NEB: variants seen among roughly 807,000 people sequenced by gnomAD.
The protein encoded by NEB is nemaline myopathy type 2.
A neutral mutation model predicts 952.2 loss-of-function variants in NEB; 512 were observed. That is an observed-to-expected ratio of 0.54 (90% CI 0.50 to 0.58). The LOEUF is 0.58. Among genes scored for constraint, NEB ranks in the 20% least tolerant of loss-of-function variants. NEB has a pLI of 0.00. For missense variants in NEB, 8,428 were observed against 9,231.1 expected (o/e 0.91, Z 3.56); for synonymous variants, 2,900 against 3,149.8 (o/e 0.92, Z 2.66).
intron 180 of NEB, 26 bp from the exon 181 acceptor site, chr2:151,490,103 A>C: frequency 6.5e-7 from 1 of 1,544,176 alleles, no homozygotes; most frequent in South Asian, 1.2e-5. Flanking sequence ...CAAATTCTTT[A>C]TAAGAAGAAA....
At chr2:151,665,219 C>T (rs1181038033) in intron 42 of NEB, 114 bp downstream of exon 42, 41 of 978,602 alleles carry the variant, frequency 4.2e-5, no homozygotes, top group Non-Finnish European at 5.4e-5. Context: ...CTCCCACCAC[C>T]GGCACGAAGA....
rs2065930418 is a variant in NEB, at chr2:151,503,046, A to C, written c.23836-161T>G. ...ACTTTTTTCACAGTTTTAATGATGA[A>C]CTCTACAATGCTAATTCTGGAAATG... On this transcript the variant is annotated intron_variant, in intron 166 of 181. Transcript: ENST00000397345. The C allele has an allele frequency of 2.4e-5, 14 of 595,144 alleles. No individual in the cohort carries two copies. In the South Asian group the frequency reaches 3.2e-4, roughly 13 times the overall value. The allele number at this position is 595,144 out of a possible 1,614,324, so 36.9% of individuals were successfully genotyped here. A position where few individuals can be genotyped will look rare whatever the true frequency, so the allele number is the denominator to read the frequency against.
chr2:151,610,900 G>C lies in NEB; in HGVS notation c.11806-34C>G. The stretch of plus-strand genomic sequence containing the variant: ...CAGGGCGGCATGGGGCATGGGGAGA[G>C]GGAGGGAGTATAAGACCTTCTGTTA... On this transcript the variant is annotated intron_variant, in intron 78 of 181. Coordinates refer to ENST00000397345, the MANE Select transcript of NEB (RefSeq NM_001164508.2). 3 of 1,378,244 alleles carry C rather than the reference G, an allele frequency of 2.2e-6. No individual in the cohort carries two copies. In the South Asian group the frequency reaches 4.1e-5, roughly 19 times the overall value. The allele number at this position is 1,378,244 out of a possible 1,614,324, so 85.4% of individuals were successfully genotyped here. A position where few individuals can be genotyped will look rare whatever the true frequency, so the allele number is the denominator to read the frequency against.
In NEB at chr2:151,519,606, T is replaced by C; in HGVS notation, c.22590+52A>G. 4 of 1,358,582 alleles carry C rather than the reference T, an allele frequency of 2.9e-6. No individual in the cohort carries two copies. In the South Asian group the frequency reaches 4.7e-5, roughly 16 times the overall value. 84.2% of individuals were successfully genotyped at this position (1,358,582 alleles called of 1,614,324 possible). ...TACTGAATTGCACACTTAAAAACAG[T>C]TAAAATGGCAAATACCATGTTATAT... is the stretch of plus-strand genomic sequence containing the variant. On this transcript the variant is annotated intron_variant, in intron 154 of 181. Transcript: ENST00000397345.
intron 142 of NEB, chr2:151,534,224 C>A: frequency 6.2e-7 from 1 of 1,613,322 alleles, no homozygotes; most frequent in African/African-American, 1.3e-5. Context: ...CCTGACTGAT[C>A]TGGTCGCCTG....
intron 128 of NEB, 45 bp downstream of exon 128, chr2:151,552,627 C>T: frequency 7.2e-7 from 1 of 1,387,092 alleles, no homozygotes; most frequent in Non-Finnish European, 1.0e-6. Context: ...TGAGTGGTGG[C>T]CCTGCTTTAT....
chr2:151,622,004 T>C (rs1574052255), intron 71 of NEB, among the ~76,000 whole-genome samples: 1 of 152,158 alleles, frequency 6.6e-6, no homozygotes, highest in Admixed American at 6.6e-5. Context: ...TTGTGGGGTC[T>C]TTTTTATTGT....
intron 120 of NEB, among the ~76,000 whole-genome samples, 156 bp downstream of exon 120, chr2:151,562,455 T>G (rs555591029): frequency 6.6e-6 from 1 of 152,238 alleles, no homozygotes; most frequent in Admixed American, 6.5e-5. Context: ...TAGGGTGGAT[T>G]CTTATACCAA....
intron 20 of NEB, chr2:151,692,584 T>C (rs1347279918): frequency 3.5e-6 from 2 of 565,430 alleles, no homozygotes; most frequent in African/African-American, 3.8e-5. Flanking sequence ...TTACTTTTCC[T>C]AATATTTTTT....
At chr2:151,659,275 G>T in intron 46 of NEB, 106 bp from the exon 47 acceptor site, 1 of 625,704 alleles carries the variant, frequency 1.6e-6, no homozygotes, top group Non-Finnish European at 2.7e-6. Context: ...ATTTTTATTA[G>T]CTAGGTTTAA....
In NEB at chr2:151,636,258, G is replaced by A. The variant is rs143933602; in HGVS notation, c.9071C>T (p.Ala3024Val). Residue 3024 changes from alanine to valine, a missense_variant, in exon 64 of 182, where the codon GCG becomes GTG. Ala to Val is a moderately conservative substitution (Grantham distance 64). Around this residue, in one of 11 missense-constraint regions of NEB, gnomAD observed 1,772 missense variants for 1,960.3 expected, o/e 0.90. Coordinates refer to ENST00000397345, the MANE Select transcript of NEB (RefSeq NM_001164508.2). ...GATGATGTCCCTGGAGGCCTTGGCC[G>A]CCACGATGGGGATGGCGTCGCTTCG... is the stretch of plus-strand genomic sequence containing the variant. Reference protein sequence around the residue: ...DLRSDAIPIVAAKASRDIISD... With the variant: ...DLRSDAIPIVVAKASRDIISD... The A allele has an allele frequency of 2.3e-3, 3,670 of 1,610,070 alleles. 6 individuals are homozygous for A. Among genetic ancestry groups the A allele is most frequent in the Non-Finnish European group, 2.9e-3 (3,425 of 1,179,694 alleles).
At position 151,639,860 on chromosome 2, in the gene NEB, G is replaced by A. The variant is rs772691488; in HGVS notation, c.8886C>T (p.Asn2962=). 3 of 1,612,116 alleles carry A rather than the reference G, an allele frequency of 1.9e-6. No individual in the cohort carries two copies. Among genetic ancestry groups the A allele is most frequent in the Admixed American group, 1.7e-5 (1 of 59,836 alleles). ...ATTCTTAATTTTGAAGTCTCACCTTGTTCATAGTGATGGCATTATTTTTGG... is the reference window on the plus strand; with the variant it reads ...ATTCTTAATTTTGAAGTCTCACCTTATTCATAGTGATGGCATTATTTTTGG... ...VLAKNNAITM[N]KRLYTEAWDK... is the part of the protein sequence containing the mutation. The change falls in exon 62 of 182, where the codon AAC becomes AAT. Residue 2962 remains asparagine (N), a synonymous_variant. Coordinates refer to ENST00000397345, the MANE Select transcript of NEB (RefSeq NM_001164508.2).
chr2:151,717,444 G>C lies in NEB; in HGVS notation c.794C>G (p.Ala265Gly). The part of the protein sequence containing the change: ...PLADPPDIEF[A>G]KKVTNQVSKQ... ...GCTCACTTGATTGGTTACTTTCTTG[G>C]CAAATTCTATATCTGGAGGATCAGC... Residue 265 changes from alanine to glycine, a missense_variant, in exon 10 of 182, where the codon GCC (alanine) becomes GGC (glycine). Ala to Gly is a moderately conservative substitution (Grantham distance 60, BLOSUM62 0). Coordinates refer to ENST00000397345, the MANE Select transcript of NEB (RefSeq NM_001164508.2). 6.2e-7 allele frequency: 1 copy of C among 1,613,748 alleles called. No individual in the cohort carries two copies. Among genetic ancestry groups the C allele is most frequent in the Non-Finnish European group, 8.5e-7 (1 of 1,179,688 alleles).
rs373729655 is a variant in NEB, at chr2:151,724,961, C to T, written c.403G>A (p.Val135Ile). The change falls in exon 7 of 182, where the codon GTT becomes ATT. Residue 135 changes from valine to isoleucine, a missense_variant and splice_region_variant. Physicochemically the swap from Val to Ile is conservative, Grantham distance 29. This residue lies in a region of NEB where 2,851 missense variants were observed against 2,791.5 expected (regional missense o/e 1.02). Coordinates refer to ENST00000397345, the MANE Select transcript of NEB (RefSeq NM_001164508.2). ...IKKVQDQLSEVKYRMDGDVAK... is the reference protein window; with the variant it reads ...IKKVQDQLSEIKYRMDGDVAK... ...ACATCACCATCCATTCGATACTTAACCTGCCCAAATAATGCACAGTTAGAG... is the reference window on the plus strand; with the variant it reads ...ACATCACCATCCATTCGATACTTAATCTGCCCAAATAATGCACAGTTAGAG... 1.4e-5 allele frequency: 23 copies of T among 1,612,170 alleles called. No individual in the cohort carries two copies. The African/African-American group carries it at 2.9e-4, about 21-fold the overall frequency.
At chr2:151,635,470 C>T (rs533838343) in intron 64 of NEB, among the ~76,000 whole-genome samples, 1 of 152,106 alleles carries the variant, frequency 6.6e-6, no homozygotes, top group Admixed American at 6.5e-5. Flanking sequence ...ACTTTGGGAG[C>T]CTGAGGCAAG....
At chr2:151,533,799 G>A (rs962380999) in intron 142 of NEB, among the ~76,000 whole-genome samples, 3 of 152,212 alleles carry the variant, frequency 2.0e-5, no homozygotes, top group African/African-American at 7.2e-5. Context: ...CACCAAAATA[G>A]CTTTATAGAA....
At chr2:151,698,935 T>G (rs1406794967) in intron 13 of NEB, among the ~76,000 whole-genome samples, 1 of 147,308 alleles carries the variant, frequency 6.8e-6, no homozygotes, top group Non-Finnish European at 1.5e-5. Context: ...TAGTTACATA[T>G]GTATACATGT....
chr2:151,568,910 C>T (rs1375871513), intron 110 of NEB, among the ~76,000 whole-genome samples, 194 bp from the exon 111 acceptor site: 1 of 152,156 alleles, frequency 6.6e-6, no homozygotes, highest in Non-Finnish European at 1.5e-5. Flanking sequence ...ATGCCTCCCA[C>T]AGATTTTAAA....
chr2:151,683,669 A>C (rs2099451147), intron 28 of NEB, among the ~76,000 whole-genome samples: 1 of 152,178 alleles, frequency 6.6e-6, no homozygotes, highest in Non-Finnish European at 1.5e-5. Flanking sequence ...TTCCTCTACA[A>C]ATAAAAAATA....
Sources: allele counts gnomAD v4.1 joint callset (sites outside exome capture counted in the v4.1 genomes callset), GRCh38; gene constraint gnomAD v4.1.1; regional missense constraint gnomAD v4.1.1; transcripts MANE v1.5; gene names NCBI Gene and HGNC (gene_info 2026-07-23, HGNC 2026-07-21).